MYPN: variants seen among roughly 807,000 people sequenced by gnomAD.
MYPN encodes sarcomeric protein myopalladin, 145 kDa (MYOP).
A neutral mutation model predicts 129.4 loss-of-function variants in MYPN; 63 were observed. That is an observed-to-expected ratio of 0.49 (90% CI 0.40 to 0.60). MYPN has a LOEUF of 0.60. MYPN is among the 20% of genes least tolerant of loss of function. MYPN has a pLI of 0.00. For synonymous variants in MYPN, 629 were observed against 600.9 expected (o/e 1.05, Z -0.68); for missense variants, 1,596 against 1,635.4 (o/e 0.98, Z 0.42).
intron 15 of MYPN, 33 bp downstream of exon 15, chr10:68,195,565 C>G (rs1589608247): frequency 6.4e-7 from 1 of 1,561,118 alleles, no homozygotes; most frequent in Non-Finnish European, 8.8e-7. Context: ...CTCTCTAGGC[C>G]CTTCCCAAGC....
intron 2 of MYPN, among the ~76,000 whole-genome samples, chr10:68,127,313 A>G (rs1468260351): frequency 1.5e-5 from 2 of 137,890 alleles, no homozygotes; most frequent in Non-Finnish European, 3.1e-5. Context: ...CCTGGGACAC[A>G]TATATCTTTT....
intron 19 of MYPN, 41 bp from the exon 20 acceptor site, chr10:68,210,245 C>T: frequency 6.2e-7 from 1 of 1,609,960 alleles, no homozygotes; most frequent in Non-Finnish European, 8.5e-7. Context: ...TGCTGGACTG[C>T]ATTCCTTTGA....
chr10:68,198,177 C>T (rs1335202314), intron 16 of MYPN, among the ~76,000 whole-genome samples: 1 of 152,124 alleles, frequency 6.6e-6, no homozygotes, highest in African/African-American at 2.4e-5. Context: ...CAAGCCTTTT[C>T]ATATGGTGTC....
At chr10:68,122,713 C>A (rs1441625806) in intron 2 of MYPN, among the ~76,000 whole-genome samples, 1 of 151,924 alleles carries the variant, frequency 6.6e-6, no homozygotes, top group African/African-American at 2.4e-5. Flanking sequence ...ACCAGCCTGA[C>A]CAAAATGGAG....
intron 12 of MYPN, among the ~76,000 whole-genome samples, chr10:68,182,819 AT>A (rs1208261438): frequency 1.3e-5 from 2 of 152,062 alleles, no homozygotes; most frequent in Non-Finnish European, 2.9e-5. Context: ...CTAATAGTAT[AT>A]TTTTAAAAAC....
chr10:68,183,737 C>G (rs991725606), intron 12 of MYPN, among the ~76,000 whole-genome samples: 5 of 152,144 alleles, frequency 3.3e-5, no homozygotes, highest in African/African-American at 1.2e-4. Flanking sequence ...TTGAAAACCC[C>G]CAAAGGCCAG....
In MYPN at chr10:68,165,769, A is replaced by C; in HGVS notation, c.1551A>C (p.Ala517=). 1 of 1,614,204 alleles carries C rather than the reference A, an allele frequency of 6.2e-7. No individual in the cohort carries two copies. The highest frequency in any genetic ancestry group is 8.5e-7 in the Non-Finnish European group (1 of 1,180,026). Residue 517 remains alanine, a synonymous_variant, in exon 9 of 20, where the codon GCA becomes GCC. Coordinates refer to ENST00000358913, the MANE Select transcript of MYPN (RefSeq NM_032578.4). ...AEDSGCFTCT[A]SNKYGTVSSI... ...ATTCTGGGTGCTTCACATGTACTGC[A>C]AGCAACAAATACGGCACAGTGTCAA... is the stretch of plus-strand genomic sequence containing the variant.
chr10:68,101,598 T>G (rs527653690), upstream of MYPN, among the ~76,000 whole-genome samples: 9 of 152,314 alleles, frequency 5.9e-5, no homozygotes, highest in Middle Eastern at 3.4e-3. Flanking sequence ...TTTCATTCCT[T>G]TCATTTTTAA....
intron 1 of MYPN, among the ~76,000 whole-genome samples, chr10:68,114,963 T>C (rs2042134591): frequency 6.6e-6 from 1 of 152,056 alleles, no homozygotes; most frequent in African/African-American, 2.4e-5. Context: ...GGAAACAAAC[T>C]CAAATATCAC....
intron 19 of MYPN, among the ~76,000 whole-genome samples, chr10:68,208,214 C>G (rs990362662): frequency 6.6e-6 from 1 of 152,132 alleles, no homozygotes; most frequent in African/African-American, 2.4e-5. Flanking sequence ...TCAAAACTGG[C>G]TTAACCTAAT....
chr10:68,110,987 A>G (rs1359525521), intron 1 of MYPN, among the ~76,000 whole-genome samples: 1 of 152,194 alleles, frequency 6.6e-6, no homozygotes, highest in African/African-American at 2.4e-5. Flanking sequence ...ATCCCCACTT[A>G]TAGTATATGG....
intron 12 of MYPN, among the ~76,000 whole-genome samples, chr10:68,178,385 T>G (rs537069812): frequency 6.6e-6 from 1 of 152,056 alleles, no homozygotes; most frequent in East Asian, 1.9e-4. Flanking sequence ...TCCTAAATGG[T>G]TTAGGTTAGA....
intron 2 of MYPN, among the ~76,000 whole-genome samples, chr10:68,130,234 C>T (rs1046104522): frequency 2.6e-5 from 4 of 152,006 alleles, no homozygotes; most frequent in African/African-American, 4.8e-5. Context: ...CCGAGGCAGG[C>T]GGATCACCTG....
At chr10:68,115,113 G>A (rs2042136985) in intron 1 of MYPN, among the ~76,000 whole-genome samples, 1 of 151,842 alleles carries the variant, frequency 6.6e-6, no homozygotes, top group Non-Finnish European at 1.5e-5. Flanking sequence ...ACAAAAATTA[G>A]CCAGGGGTGG....
chr10:68,140,806 C>T (rs1331381576), intron 2 of MYPN, among the ~76,000 whole-genome samples: 1 of 152,190 alleles, frequency 6.6e-6, no homozygotes, highest in Non-Finnish European at 1.5e-5. Flanking sequence ...TGTGTGGTGG[C>T]TCATTCCTGT....
chr10:68,182,833 A>G (rs942780970), intron 12 of MYPN, among the ~76,000 whole-genome samples: 1 of 152,126 alleles, frequency 6.6e-6, no homozygotes, highest in Non-Finnish European at 1.5e-5. Flanking sequence ...TTAAAAACTC[A>G]TTGAGTTCTC....
chr10:68,197,795 A>C (rs1161608138), intron 16 of MYPN, among the ~76,000 whole-genome samples: 1 of 152,132 alleles, frequency 6.6e-6, no homozygotes, highest in Non-Finnish European at 1.5e-5. Flanking sequence ...CCGCGTTCCA[A>C]GCCCCACAGT....
intron 2 of MYPN, among the ~76,000 whole-genome samples, chr10:68,124,454 A>G (rs1401742551): frequency 6.6e-6 from 1 of 152,210 alleles, no homozygotes; most frequent in African/African-American, 2.4e-5. Context: ...TTATAGGACA[A>G]TAGTAGTATT....
At chr10:68,171,194 T>A (rs756545250) in intron 10 of MYPN, among the ~76,000 whole-genome samples, 1 of 148,796 alleles carries the variant, frequency 6.7e-6, no homozygotes, top group Non-Finnish European at 1.5e-5. Context: ...ACCCTGAGAG[T>A]TGCTACTATT....
Sources: gnomAD v4.1 joint callset for allele counts (sites outside exome capture counted in the v4.1 genomes callset) on GRCh38, gnomAD v4.1.1 for gene constraint, MANE v1.5 for transcripts, NCBI Gene and HGNC (gene_info 2026-07-23, HGNC 2026-07-21) for gene names.